The following ZNF850 variants were observed in gnomAD, a reference collection of about 807,000 sequenced individuals.
ZNF850 encodes zinc finger protein 850.
In ZNF850, 2 loss-of-function variants were observed where a neutral mutation model predicts 11.9. That is an observed-to-expected ratio of 0.17 (90% confidence interval 0.07 to 0.53). ZNF850 has a LOEUF of 0.53. Among genes scored for constraint, ZNF850 ranks in the 20% least tolerant of loss-of-function variants. The pLI is 0.94. For missense variants in ZNF850, 1,014 were observed against 1,316.4 expected (o/e 0.77, Z 3.55); for synonymous variants, 381 against 443.0 (o/e 0.86, Z 1.76).
rs2040445429 is a variant in ZNF850 at position 36,750,285 on chromosome 19, G to A, written c.755C>T (p.Pro252Leu). 6.5e-7 allele frequency: 1 copy of A among 1,536,744 alleles called. No individual in the cohort carries two copies. The highest frequency in any genetic ancestry group is 8.7e-7 in the Non-Finnish European group (1 of 1,146,926). ...QHQKMYTDER[P>L]HECQESVKAF... ...CTTCACGGATTCCTGACACTCATGA[G>A]GTCTCTCATCTGTATACATTTTCTG... The change falls in exon 5 of 5, where the codon CCT becomes CTT. Residue 252 changes from proline to leucine, a missense_variant. Physicochemically the swap from Pro to Leu is moderately conservative, Grantham distance 98 (BLOSUM62 -3). Coordinates refer to ENST00000591344, the MANE Select transcript of ZNF850 (RefSeq NM_001193552.2).
chr19:36,766,420 C>T (rs2040549910), intron 1 of ZNF850, among the ~76,000 whole-genome samples: 1 of 152,188 alleles, frequency 6.6e-6, no homozygotes, highest in African/African-American at 2.4e-5. Context: ...GTTTTCCATA[C>T]ACAGAACAAT....
intron 4 of ZNF850, among the ~76,000 whole-genome samples, chr19:36,753,361 G>A (rs2040465311): frequency 7.5e-6 from 1 of 132,680 alleles, no homozygotes; most frequent in South Asian, 2.4e-4. Flanking sequence ...TGCCAAGACT[G>A]CAAGATTACC....
At chr19:36,761,807 A>C in intron 3 of ZNF850, 69 bp from the exon 4 acceptor site, 2 of 864,068 alleles carry the variant, frequency 2.3e-6, no homozygotes, top group Non-Finnish European at 3.6e-6. Flanking sequence ...GCACTTTGGG[A>C]GACCAAAACA....
chr19:36,753,007 C>T (rs776879543), intron 4 of ZNF850, among the ~76,000 whole-genome samples: 4 of 151,938 alleles, frequency 2.6e-5, no homozygotes, highest in Admixed American at 6.6e-5. Context: ...CGGTGGCACA[C>T]GCCTGTAATC....
chr19:36,751,201 A>G (rs1031571402), intron 4 of ZNF850, among the ~76,000 whole-genome samples: 1 of 152,062 alleles, frequency 6.6e-6, no homozygotes, highest in Non-Finnish European at 1.5e-5. Context: ...CTCCAGTCTA[A>G]TCACTGGAAA....
At chr19:36,762,234 G>C (rs1025100219) in intron 3 of ZNF850, 71 bp downstream of exon 3, 48 of 1,330,722 alleles carry the variant, frequency 3.6e-5, no homozygotes, top group Non-Finnish European at 4.4e-5. Flanking sequence ...TAGGCAACAG[G>C]TGAAAAGTCA....
intron 1 of ZNF850, among the ~76,000 whole-genome samples, chr19:36,763,676 C>G (rs540018201): frequency 6.6e-6 from 1 of 152,274 alleles, no homozygotes; most frequent in South Asian, 2.1e-4. Flanking sequence ...CACCTGTAAT[C>G]ACAGCACTTT....
rs1005357052 is a variant in ZNF850, at chr19:36,744,224, A to G, written c.*3543T>C. ...ACCCCAAATAGATCATCTTTGGTCA[A>G]TAAGAATATACAGGTGATCTTTCTG... On this transcript the variant is annotated 3_prime_UTR_variant, in exon 5 of 5. Transcript: ENST00000591344. 5.9e-5 allele frequency: 9 copies of G among 152,144 alleles called. No homozygotes were observed. The highest frequency in any genetic ancestry group is 3.4e-3 in the Middle Eastern group (1 of 294). 9.4% of individuals were successfully genotyped at this position (152,144 alleles called of 1,614,324 possible). A position where few individuals can be genotyped will look rare whatever the true frequency, so the allele number is the denominator to read the frequency against.
chr19:36,756,335 GT>G (rs1255923005), intron 4 of ZNF850, among the ~76,000 whole-genome samples: 1 of 152,084 alleles, frequency 6.6e-6, no homozygotes, highest in Non-Finnish European at 1.5e-5. Context: ...TGGAACACAT[GT>G]TTTTCTACCC....
rs778185641 is a variant in ZNF850, at chr19:36,749,186, A to G, written c.1854T>C (p.Asp618=). ...TAAAGGCCTTCCCACATTCCTTACAATCATAAGGTTTCTCACCAGTGTGAA... is the reference window on the plus strand; with the variant it reads ...TAAAGGCCTTCCCACATTCCTTACAGTCATAAGGTTTCTCACCAGTGTGAA... ...QQIHTGEKPY[D]CKECGKAFRL... The change falls in exon 5 of 5, where the codon GAT becomes GAC. Residue 618 remains aspartate, a synonymous_variant. Coordinates refer to ENST00000591344, the MANE Select transcript of ZNF850 (RefSeq NM_001193552.2). 9.3e-6 allele frequency: 15 copies of G among 1,604,882 alleles called. No individual in the cohort carries two copies. Among genetic ancestry groups the G allele is most frequent in the Non-Finnish European group, 1.3e-5 (15 of 1,177,344 alleles).
intron 4 of ZNF850, among the ~76,000 whole-genome samples, chr19:36,755,154 A>C (rs2145960165): frequency 6.6e-6 from 1 of 152,342 alleles, no homozygotes; most frequent in South Asian, 2.1e-4. Flanking sequence ...GGAATAAAAA[A>C]TGGGAAAAGA....
chr19:36,758,383 C>A (rs923823838), intron 4 of ZNF850, among the ~76,000 whole-genome samples: 2 of 151,978 alleles, frequency 1.3e-5, no homozygotes, highest in South Asian at 2.1e-4. Context: ...TTAAAAAGTT[C>A]TTTTTTTGTT....
In ZNF850 at chr19:36,753,422, C is replaced by CAAAAAAAAAAA. The variant is rs58851544; in HGVS notation, c.236-2629_236-2619dup. On this transcript the variant is annotated intron_variant, in intron 4 of 4. Coordinates refer to ENST00000591344, the MANE Select transcript of ZNF850 (RefSeq NM_001193552.2). Reference sequence around the variant, plus strand: ...TGGGCAACAGCCTGGGACACTGTCTCAAAAAAAAAAAAAAAAAAAAAAAAG... The same window carrying CAAAAAAAAAAA: ...TGGGCAACAGCCTGGGACACTGTCTCAAAAAAAAAAAAAAAAAAAAAAAAAAAAAAAAAAAG... Among the ~76,000 whole-genome samples the CAAAAAAAAAAA allele has an allele frequency of 1.0e-3, 48 of 46,644 alleles. 10 individuals are homozygous for CAAAAAAAAAAA. The highest frequency in any genetic ancestry group is 1.8e-3 in the South Asian group (1 of 570). The allele number at this position is 46,644 out of a possible 152,430, so 30.6% of individuals were successfully genotyped here. A position where few individuals can be genotyped will look rare whatever the true frequency, so the allele number is the denominator to read the frequency against.
At chr19:36,765,060 C>T (rs117961964) in intron 1 of ZNF850, among the ~76,000 whole-genome samples, 6 of 152,266 alleles carry the variant, frequency 3.9e-5, no homozygotes, top group Non-Finnish European at 8.8e-5. Context: ...ATTGGAGCCA[C>T]GTGTACAGAT....
At chr19:36,761,964 T>A (rs1193928102) in intron 3 of ZNF850, among the ~76,000 whole-genome samples, 1 of 149,912 alleles carries the variant, frequency 6.7e-6, no homozygotes, top group East Asian at 2.0e-4. Flanking sequence ...GAGAGTCGCT[T>A]GAACCCGAGA....
In ZNF850 at chr19:36,750,045, G is replaced by C; in HGVS notation, c.995C>G (p.Thr332Ser). 6.5e-7 allele frequency: 1 copy of C among 1,541,552 alleles called. No individual in the cohort carries two copies. The highest frequency in any genetic ancestry group is 8.7e-7 in the Non-Finnish European group (1 of 1,147,606). ...STLIRHQQIH[T>S]GEKPYDCKEC... ...CTTACAATCATACGGTTTCTCACCA[G>C]TGTGAATTTGCTGGTGTCGAATTAG... The change falls in exon 5 of 5, where the codon ACT becomes AGT. Residue 332 changes from threonine (T) to serine (S), a missense_variant. By Grantham distance (58) the Thr-to-Ser change is moderately conservative. Transcript: ENST00000591344.
At chr19:36,754,647 C>G (rs1250457329) in intron 4 of ZNF850, among the ~76,000 whole-genome samples, 3 of 152,070 alleles carry the variant, frequency 2.0e-5, no homozygotes, top group Non-Finnish European at 4.4e-5. Flanking sequence ...CCTCTGCCCT[C>G]CGAGTTCAAG....
At chr19:36,767,769 G>A (rs1380801501) in intron 1 of ZNF850, among the ~76,000 whole-genome samples, 6 of 150,866 alleles carry the variant, frequency 4.0e-5, no homozygotes, top group Admixed American at 6.6e-5. Flanking sequence ...TTTATTTGGG[G>A]GAAAAAAAAA....
At chr19:36,771,252 A>G (rs2040580383) in intron 1 of ZNF850, among the ~76,000 whole-genome samples, 1 of 152,150 alleles carries the variant, frequency 6.6e-6, no homozygotes, top group South Asian at 2.1e-4. Context: ...GCCAACTAGG[A>G]GGCTGAATCT....
Sources: allele counts gnomAD v4.1 joint callset (sites outside exome capture counted in the v4.1 genomes callset), GRCh38; gene constraint gnomAD v4.1.1; transcripts MANE v1.5; gene names NCBI Gene and HGNC (gene_info 2026-07-23, HGNC 2026-07-21).